Variants in NRF1 observed in about 807,000 individuals in gnomAD.
NRF1 encodes the protein alpha palindromic-binding protein.
Under a neutral mutation model 58.5 loss-of-function variants are expected in NRF1, and 5 were observed. The ratio of observed to expected loss-of-function variants is 0.09; its 90% CI spans 0.04 to 0.18. The LOEUF is 0.18. Ranked by LOEUF, NRF1 falls within the 10% of genes least tolerant of loss-of-function variation. The pLI is 1.00. For missense variants in NRF1, 288 were observed against 657.7 expected (o/e 0.44, Z 6.15); for synonymous variants, 224 against 246.7 (o/e 0.91, Z 0.86).
At chr7:129,703,317 G>A (rs1170081334) in intron 5 of NRF1, among the ~76,000 whole-genome samples, 8 of 152,144 alleles carry the variant, frequency 5.3e-5, no homozygotes, top group Non-Finnish European at 1.0e-4. Context: ...TGAGAGGTTA[G>A]GCTTTAGCTT....
chr7:129,724,963 A>G (rs568710575), intron 9 of NRF1, among the ~76,000 whole-genome samples: 9 of 152,274 alleles, frequency 5.9e-5, no homozygotes, highest in Non-Finnish European at 1.0e-4. Flanking sequence ...AGTTCCAGCT[A>G]TTTGCGTCAG....
intron 4 of NRF1, among the ~76,000 whole-genome samples, chr7:129,680,754 T>C (rs527760212): frequency 5.9e-5 from 9 of 152,304 alleles, no homozygotes; most frequent in African/African-American, 2.2e-4. Flanking sequence ...ATAAATCTTA[T>C]TTATAGAGAG....
In NRF1 at chr7:129,611,735, C is replaced by A. The variant is rs1449765136; in HGVS notation, c.-96C>A. The A allele has an allele frequency of 5.9e-6, 2 of 341,758 alleles. No homozygotes were observed. Among genetic ancestry groups the A allele is most frequent in the Non-Finnish European group, 1.1e-5 (2 of 189,626 alleles). The allele number at this position is 341,758 out of a possible 1,614,324, so 21.2% of individuals were successfully genotyped here. ...CGGCGGCGGCAGAAGCGGCAGCGCT[C>A]GCCATTGCCGCTGGTGGCAGGAGGC... On this transcript the variant is annotated 5_prime_UTR_variant, in exon 1 of 11. Transcript: ENST00000393232.
intron 9 of NRF1, among the ~76,000 whole-genome samples, chr7:129,718,780 T>A (rs190690671): frequency 2.8e-4 from 42 of 152,358 alleles, no homozygotes; most frequent in African/African-American, 9.6e-4. Context: ...GTATGGTGGC[T>A]GAGAGCAGGG....
chr7:129,612,583 G>A (rs560955698), intron 1 of NRF1, among the ~76,000 whole-genome samples: 5 of 152,318 alleles, frequency 3.3e-5, no homozygotes, highest in African/African-American at 9.6e-5. Flanking sequence ...GCTGAGATGT[G>A]CCCGCGGAGG....
At chr7:129,644,745 C>T (rs1179139867) in intron 1 of NRF1, among the ~76,000 whole-genome samples, 2 of 152,176 alleles carry the variant, frequency 1.3e-5, no homozygotes, top group Non-Finnish European at 2.9e-5. Context: ...TGACTTAACT[C>T]TTCTCTATGG....
At chr7:129,651,435 A>AG (rs398006262) in intron 1 of NRF1, among the ~76,000 whole-genome samples, 2 of 140,110 alleles carry the variant, frequency 1.4e-5, no homozygotes, top group South Asian at 2.3e-4. Flanking sequence ...AAAAAAAAAA[A>AG]TGGTTAGAGA....
chr7:129,658,719 G>A (rs931212588), intron 2 of NRF1, among the ~76,000 whole-genome samples: 1 of 151,618 alleles, frequency 6.6e-6, no homozygotes, highest in African/African-American at 2.4e-5. Context: ...TGCTATTGTT[G>A]TCCTTTGTAT....
At chr7:129,616,444 C>T (rs10270813) in intron 1 of NRF1, among the ~76,000 whole-genome samples, 52,848 of 151,946 alleles carry the variant, frequency 0.35, 9,686 homozygotes, top group East Asian at 0.61. Flanking sequence ...AACAAAAAAA[C>T]GAAAAACTAG....
At chr7:129,730,479 A>G (rs1464077610) in intron 10 of NRF1, among the ~76,000 whole-genome samples, 2 of 152,210 alleles carry the variant, frequency 1.3e-5, no homozygotes, top group Non-Finnish European at 2.9e-5. Context: ...GTTTAAATCA[A>G]AATTGGAATA....
At chr7:129,631,062 A>G (rs1210190085) in intron 1 of NRF1, among the ~76,000 whole-genome samples, 1 of 152,086 alleles carries the variant, frequency 6.6e-6, no homozygotes, top group African/African-American at 2.4e-5. Context: ...TTTGAAGTTG[A>G]TACTTAAAAT....
chr7:129,754,873 G>A (rs1043438916), intron 10 of NRF1, 145 bp from the exon 11 acceptor site: 8 of 649,400 alleles, frequency 1.2e-5, no homozygotes, highest in Admixed American at 6.0e-5. Context: ...GGAAAGAGAT[G>A]TCTTTGTGCC....
At chr7:129,668,443 T>C (rs1221641862) in intron 2 of NRF1, among the ~76,000 whole-genome samples, 1 of 152,234 alleles carries the variant, frequency 6.6e-6, no homozygotes, top group Admixed American at 6.5e-5. Flanking sequence ...TTTTTGGCCA[T>C]TTGCACTTCT....
At position 129,611,754 on chromosome 7, in the gene NRF1, A is replaced by T. The variant is rs1428985814; in HGVS notation, c.-77A>T. 10 of 314,936 alleles carry T rather than the reference A, an allele frequency of 3.2e-5. No homozygotes were observed. The highest frequency in any genetic ancestry group is 5.2e-5 in the Non-Finnish European group (9 of 172,614). 19.5% of individuals were successfully genotyped at this position (314,936 alleles called of 1,614,324 possible). ...AGCGCTCGCCATTGCCGCTGGTGGCAGGAGGCTGCGAGGAGCCGGCGCGGT... is the reference window on the plus strand; with the variant it reads ...AGCGCTCGCCATTGCCGCTGGTGGCTGGAGGCTGCGAGGAGCCGGCGCGGT... On this transcript the variant is annotated 5_prime_UTR_variant, in exon 1 of 11. Transcript: ENST00000393232.
At chr7:129,612,408 G>A (rs1250744902) in intron 1 of NRF1, among the ~76,000 whole-genome samples, 1 of 152,170 alleles carries the variant, frequency 6.6e-6, no homozygotes. Flanking sequence ...CCCTCCTGCC[G>A]GGGTGGCGTG....
In NRF1 at chr7:129,671,412, A is replaced by T. The variant is rs760148121; in HGVS notation, c.224-17A>T. On this transcript the variant is annotated splice_polypyrimidine_tract_variant and intron_variant, in intron 2 of 10. Transcript: ENST00000393232. Reference sequence around the variant, plus strand: ...ACAGGCAGCTGCCTAATCTCAGCACATACGTTATTATTTCAGGTCCTGTGG... The same window carrying T: ...ACAGGCAGCTGCCTAATCTCAGCACTTACGTTATTATTTCAGGTCCTGTGG... 6.4e-7 allele frequency: 1 copy of T among 1,558,510 alleles called. No homozygotes were observed. The highest frequency in any genetic ancestry group is 8.9e-7 in the Non-Finnish European group (1 of 1,129,454).
chr7:129,690,629 T>A lies in NRF1; in HGVS notation c.606+83T>A, dbSNP rs1331855422. 11 of 1,437,724 alleles carry A rather than the reference T, an allele frequency of 7.7e-6. No homozygotes were observed. The South Asian group carries it at 1.0e-4, about 13-fold the overall frequency. 89.1% of individuals were successfully genotyped at this position (1,437,724 alleles called of 1,614,324 possible). ...CCTCTGATCACTTTTCTGCATTTTG[T>A]CCTCAGTGATCTGACCAGGGAGTGA... On this transcript the variant is annotated intron_variant, in intron 5 of 10. Coordinates refer to ENST00000393232, the MANE Select transcript of NRF1 (RefSeq NM_005011.5).
chr7:129,662,469 T>A lies in NRF1; in HGVS notation c.223+4895T>A, dbSNP rs546594091. Among the ~76,000 whole-genome samples the A allele has an allele frequency of 2.0e-5, 3 of 151,674 alleles. No individual in the cohort carries two copies. The South Asian group carries it at 6.3e-4, about 32-fold the overall frequency. On this transcript the variant is annotated intron_variant, in intron 2 of 10. Coordinates refer to ENST00000393232, the MANE Select transcript of NRF1 (RefSeq NM_005011.5). ...AACGGTTTCCAATAGTGGAAAAAAA[T>A]TTCTTTTAAACAAATAATTTTATAA...
intron 1 of NRF1, among the ~76,000 whole-genome samples, chr7:129,634,431 G>A (rs572252429): frequency 5.3e-5 from 8 of 152,058 alleles, no homozygotes; most frequent in Admixed American, 5.2e-4. Flanking sequence ...CCTATGGTTG[G>A]AATCATACAA....
Sources: gnomAD v4.1 joint callset for allele counts (sites outside exome capture counted in the v4.1 genomes callset) on GRCh38, gnomAD v4.1.1 for gene constraint, MANE v1.5 for transcripts, NCBI Gene and HGNC (gene_info 2026-07-23, HGNC 2026-07-21) for gene names.